MET: variants seen among roughly 807,000 people sequenced by gnomAD.
The protein encoded by MET is MET proto-oncogene, receptor tyrosine kinase, also known as hepatocyte growth factor receptor.
MET carries 48 observed loss-of-function variants against 133.1 expected under a neutral mutation model. That is an observed-to-expected ratio of 0.36 (90% CI 0.29 to 0.46). The LOEUF (loss-of-function observed/expected upper bound fraction) is 0.46. Among genes scored for constraint, MET ranks in the 20% least tolerant of loss-of-function variants. MET has a pLI of 1.00. For synonymous variants in MET, 628 were observed against 616.5 expected, an observed-to-expected ratio of 1.02 and a Z score of -0.28; for missense variants, 1,442 against 1,695.9, an observed-to-expected ratio of 0.85 and a Z score of 2.63.
Position 116,754,893 on chromosome 7 carries a change from GAGAAAGAAAGAAAGAAAGAAAGAA to G in MET, c.1702-426_1702-403del, listed in dbSNP as rs542934651. 3.2e-3 allele frequency among the ~76,000 whole-genome samples: 315 copies of G among 97,498 alleles called. 2 individuals carry two copies. Among genetic ancestry groups the G allele is most frequent in the Admixed American group, 8.6e-3 (70 of 8,148 alleles). The allele number at this position is 97,498 out of a possible 152,430, so 64.0% of individuals were successfully genotyped here. On this transcript the variant is annotated intron_variant, in intron 5 of 20. Coordinates refer to ENST00000397752, the MANE Select transcript of MET (RefSeq NM_000245.4). The stretch of plus-strand genomic sequence containing the variant: ...AAAGAAAGAGAGAGAGAGAGAAAGA[GAGAAAGAAAGAAAGAAAGAAAGAA>G]AGAAAGAAAGAAAGAAAGAAAGAAA...
rs1554398862 is a variant in MET at position 116,774,986 on chromosome 7, C to T, written c.3134C>T (p.Pro1045Leu). 1 of 1,614,140 alleles carries T rather than the reference C, an allele frequency of 6.2e-7. No homozygotes were observed. Residue 1045 changes from proline (P) to leucine (L), a missense_variant, in exon 15 of 21, where the codon CCA (proline) becomes CTA (leucine). By Grantham distance (98) the Pro-to-Leu change is moderately conservative. Transcript: ENST00000397752. ...LTSGDSDISS[P>L]LLQNTVHIDL... ...AGTGGGGACTCTGATATATCCAGTC[C>T]ATTACTGCAAAATACTGTCCACATT... is the stretch of plus-strand genomic sequence containing the variant.
At chr7:116,734,862 G>A (rs1192724270) in intron 3 of MET, among the ~76,000 whole-genome samples, 2 of 152,158 alleles carry the variant, frequency 1.3e-5, no homozygotes, top group African/African-American at 2.4e-5. Context: ...AAGATCACAG[G>A]ACTAATCACA....
chr7:116,775,141 A>G (rs2117032705), intron 15 of MET, 30 bp downstream of exon 15: 1 of 1,607,736 alleles, frequency 6.2e-7, no homozygotes, highest in Non-Finnish European at 8.5e-7. Context: ...TTTTTGTTAA[A>G]TACGATTTTC....
intron 1 of MET, among the ~76,000 whole-genome samples, chr7:116,688,243 A>G (rs1307260687): frequency 1.3e-5 from 2 of 150,988 alleles, no homozygotes; most frequent in South Asian, 4.2e-4. Context: ...TTTTTTTTTA[A>G]TATATAGACT....
chr7:116,684,888 T>G (rs1192295423), intron 1 of MET, among the ~76,000 whole-genome samples: 1 of 152,146 alleles, frequency 6.6e-6, no homozygotes, highest in African/African-American at 2.4e-5. Context: ...GGGCAGATGA[T>G]CAGGGTGAGA....
At position 116,795,947 on chromosome 7, in the gene MET, A is replaced by G. The variant is rs2117111309; in HGVS notation, c.3996A>G (p.Glu1332=). Residue 1332 remains glutamate (E), a synonymous_variant, in exon 21 of 21, where the codon GAA becomes GAG. Transcript: ENST00000397752. ...CCGAAATGCGCCCATCCTTTTCTGA[A>G]CTGGTGTCCCGGATATCAGCGATCT... ...PKAEMRPSFS[E]LVSRISAIFS... is the part of the protein sequence containing the mutation. 1 of 1,614,156 alleles carries G rather than the reference A, an allele frequency of 6.2e-7. No individual in the cohort carries two copies. The highest frequency in any genetic ancestry group is 8.5e-7 in the Non-Finnish European group (1 of 1,180,004).
chr7:116,680,887 A>G (rs982050267), intron 1 of MET, among the ~76,000 whole-genome samples: 2 of 152,122 alleles, frequency 1.3e-5, no homozygotes, highest in African/African-American at 4.8e-5. Context: ...GGCTGTAGTG[A>G]GCCGAGATCA....
intron 2 of MET, among the ~76,000 whole-genome samples, chr7:116,705,633 A>G (rs1791760083): frequency 6.6e-6 from 1 of 152,212 alleles, no homozygotes; most frequent in Admixed American, 6.5e-5. Context: ...CAAATGTAAT[A>G]GCTACCAAAG....
chr7:116,723,832 C>G (rs1792609333), intron 2 of MET, among the ~76,000 whole-genome samples: 1 of 152,218 alleles, frequency 6.6e-6, no homozygotes, highest in African/African-American at 2.4e-5. Context: ...AGGAGGCAGT[C>G]TGCCCATTCT....
chr7:116,722,300 C>A (rs933539491), intron 2 of MET, among the ~76,000 whole-genome samples: 36 of 151,186 alleles, frequency 2.4e-4, no homozygotes, highest in African/African-American at 8.5e-4. Context: ...ACTAGGATTG[C>A]AACCCCTGCC....
At chr7:116,724,943 C>G (rs980078114) in intron 2 of MET, 1 of 1,045,478 alleles carries the variant, frequency 9.6e-7, no homozygotes, top group African/African-American at 1.7e-5. Context: ...CTGTGTCTAA[C>G]ACATTGTAAA....
Position 116,745,807 on chromosome 7 carries a change from G to GA in MET, c.1701+4783dup, listed in dbSNP as rs1308111433. Among the ~76,000 whole-genome samples, 55 of 152,206 alleles carry GA rather than the reference G, an allele frequency of 3.6e-4. 1 individual carries two copies. The highest frequency in any genetic ancestry group is 3.8e-4 in the Non-Finnish European group (26 of 68,034). ...AGATGGATTAAAGATGTAAATGTTA[G>GA]ACCTAAAACTATAAAAACCTTAGAA... On this transcript the variant is annotated intron_variant, in intron 5 of 20. Transcript: ENST00000397752.
At chr7:116,697,385 C>T (rs1245608959) in intron 1 of MET, among the ~76,000 whole-genome samples, 4 of 152,150 alleles carry the variant, frequency 2.6e-5, no homozygotes, top group Non-Finnish European at 4.4e-5. Flanking sequence ...CAGGATCTCT[C>T]TGTTCTAAGC....
chr7:116,747,366 T>C (rs1193960073), intron 5 of MET, among the ~76,000 whole-genome samples: 1 of 152,198 alleles, frequency 6.6e-6, no homozygotes, highest in African/African-American at 2.4e-5. Flanking sequence ...ATTGGTGTGC[T>C]GTATTCAGGA....
At chr7:116,686,270 C>T (rs1395995307) in intron 1 of MET, among the ~76,000 whole-genome samples, 1 of 152,166 alleles carries the variant, frequency 6.6e-6, no homozygotes, top group Non-Finnish European at 1.5e-5. Flanking sequence ...GCTTACTGGC[C>T]CCCTTGCTGT....
chr7:116,720,488 G>T (rs1429686802), intron 2 of MET, among the ~76,000 whole-genome samples: 2 of 132,556 alleles, frequency 1.5e-5, no homozygotes, highest in Non-Finnish European at 1.6e-5. Context: ...TCCTTCTCCT[G>T]CCTGATTGCC....
At chr7:116,755,721 C>G (rs1365429263) in intron 6 of MET, among the ~76,000 whole-genome samples, 1 of 152,090 alleles carries the variant, frequency 6.6e-6, no homozygotes. Flanking sequence ...GTGACATGGC[C>G]TAGGTGAAGA....
At chr7:116,701,283 A>C (rs928783802) in intron 2 of MET, among the ~76,000 whole-genome samples, 7 of 152,168 alleles carry the variant, frequency 4.6e-5, no homozygotes, top group African/African-American at 1.7e-4. Flanking sequence ...TTCTAAAGAC[A>C]GTTTGACTTT....
At chr7:116,792,082 T>A (rs977671689) in intron 19 of MET, among the ~76,000 whole-genome samples, 3 of 128,460 alleles carry the variant, frequency 2.3e-5, no homozygotes, top group Non-Finnish European at 5.6e-5. Flanking sequence ...ACTTTATCAA[T>A]TTATTTTTTT....
Sources: gnomAD v4.1 joint callset for allele counts (sites outside exome capture counted in the v4.1 genomes callset) on GRCh38, gnomAD v4.1.1 for gene constraint, MANE v1.5 for transcripts, NCBI Gene and HGNC (gene_info 2026-07-23, HGNC 2026-07-21) for gene names.